Variants in FOCAD observed in about 807,000 individuals in gnomAD.
FOCAD encodes the protein focadhesin.
In FOCAD, 198 loss-of-function variants were observed where a neutral mutation model predicts 225.6. The observed-to-expected ratio is 0.88, with a 90% CI of 0.78 to 0.99. FOCAD has a LOEUF of 0.99. FOCAD is among the 50% of genes least tolerant of loss of function. FOCAD has a pLI of 0.00. For missense variants in FOCAD, 2,713 were observed against 2,123.6 expected (o/e 1.28, Z -5.46); for synonymous variants, 897 against 755.0 (o/e 1.19, Z -3.08).
intron 1 of FOCAD, among the ~76,000 whole-genome samples, chr9:20,699,832 C>G (rs1823791316): frequency 9.5e-6 from 1 of 105,444 alleles, no homozygotes; most frequent in Non-Finnish European, 1.8e-5. Context: ...CTACATATTA[C>G]ATCTTAACCC....
intron 15 of FOCAD, among the ~76,000 whole-genome samples, chr9:20,860,750 A>G (rs748425410): frequency 6.6e-6 from 1 of 152,204 alleles, no homozygotes; most frequent in Non-Finnish European, 1.5e-5. Context: ...ACCTTAAGTG[A>G]TCCACCCACC....
intron 1 of FOCAD, among the ~76,000 whole-genome samples, chr9:20,703,831 A>G (rs1824168823): frequency 6.6e-6 from 1 of 152,164 alleles, no homozygotes; most frequent in Admixed American, 6.6e-5. Context: ...CGTACTTTAT[A>G]TTGTTATGCA....
chr9:20,695,042 C>G (rs1318123791), intron 1 of FOCAD, among the ~76,000 whole-genome samples: 1 of 152,152 alleles, frequency 6.6e-6, no homozygotes, highest in African/African-American at 2.4e-5. Flanking sequence ...TTGGAGAAAC[C>G]GAGTACTTTG....
At chr9:20,958,333 C>A (rs1251074271) in intron 35 of FOCAD, among the ~76,000 whole-genome samples, 1 of 151,320 alleles carries the variant, frequency 6.6e-6, no homozygotes, top group Non-Finnish European at 1.5e-5. Context: ...GCCAGAAGGT[C>A]TGAACATCTG....
chr9:20,978,314 A>G (rs370439672), intron 36 of FOCAD, 25 bp from the exon 37 acceptor site: 1 of 1,509,894 alleles, frequency 6.6e-7, no homozygotes, highest in African/African-American at 1.4e-5. Flanking sequence ...TATATATTCA[A>G]TTCTTTTCCT....
In FOCAD at chr9:20,820,384, G is replaced by A; in HGVS notation, c.1621G>A (p.Ala541Thr). 6.2e-7 allele frequency: 1 copy of A among 1,612,922 alleles called. No individual in the cohort carries two copies. The highest frequency in any genetic ancestry group is 8.5e-7 in the Non-Finnish European group (1 of 1,179,332). Residue 541 changes from alanine (A) to threonine (T), a missense_variant, in exon 13 of 44, where the codon GCT (alanine) becomes ACT (threonine). Physicochemically the swap from Ala to Thr is moderately conservative, Grantham distance 58. Transcript: ENST00000338382. The stretch of plus-strand genomic sequence containing the variant: ...ACTTGGAACCACACCACGACTAAGA[G>A]CTGTCACTTTGCGCTTGCTGACATC... Reference protein sequence around the residue: ...QLLGTTPRLRAVTLRLLTSLW... With the variant: ...QLLGTTPRLRTVTLRLLTSLW...
chr9:20,982,104 A>G (rs1352220448), intron 38 of FOCAD, among the ~76,000 whole-genome samples: 2 of 152,186 alleles, frequency 1.3e-5, no homozygotes, highest in Non-Finnish European at 2.9e-5. Flanking sequence ...AAGAGGTTAG[A>G]AATTTATTTG....
intron 38 of FOCAD, 121 bp downstream of exon 38, chr9:20,981,807 C>T (rs1840726278): frequency 1.8e-6 from 2 of 1,104,760 alleles, no homozygotes; most frequent in East Asian, 4.8e-5. Context: ...CAAGAAATAA[C>T]CACATTCTTT....
intron 28 of FOCAD, among the ~76,000 whole-genome samples, chr9:20,941,395 G>A (rs908704375): frequency 1.3e-5 from 2 of 152,238 alleles, no homozygotes; most frequent in South Asian, 2.1e-4. Context: ...TTTGTATAGC[G>A]CTTTGTAAAG....
At chr9:20,748,591 C>A (rs1186489544) in intron 5 of FOCAD, among the ~76,000 whole-genome samples, 2 of 152,020 alleles carry the variant, frequency 1.3e-5, no homozygotes, top group African/African-American at 4.8e-5. Flanking sequence ...CAGATTCACT[C>A]CTGAAAAAGC....
intron 28 of FOCAD, among the ~76,000 whole-genome samples, chr9:20,937,013 A>G (rs971845226): frequency 2.7e-5 from 4 of 150,304 alleles, no homozygotes; most frequent in South Asian, 2.1e-4. Flanking sequence ...TAGGAATCCA[A>G]CTTACAAGGG....
intron 2 of FOCAD, among the ~76,000 whole-genome samples, chr9:20,667,657 G>C (rs1821934879): frequency 6.6e-6 from 1 of 152,168 alleles, no homozygotes; most frequent in Non-Finnish European, 1.5e-5. Context: ...TATCTTTTAG[G>C]TGCTTTACAG....
chr9:20,869,461 A>G (rs758755505), intron 18 of FOCAD, among the ~76,000 whole-genome samples: 14 of 152,196 alleles, frequency 9.2e-5, no homozygotes, highest in African/African-American at 1.7e-4. Context: ...TGATTGCTGA[A>G]CATCAATTTA....
At chr9:20,688,171 G>T (rs1348367214) in intron 1 of FOCAD, among the ~76,000 whole-genome samples, 1 of 152,202 alleles carries the variant, frequency 6.6e-6, no homozygotes, top group African/African-American at 2.4e-5. Context: ...ATGAGTAATA[G>T]ATTTTAAGTG....
intron 15 of FOCAD, among the ~76,000 whole-genome samples, chr9:20,861,159 A>G (rs1208892913): frequency 1.3e-5 from 2 of 152,192 alleles, no homozygotes; most frequent in African/African-American, 4.8e-5. Context: ...TTCTGTTGAA[A>G]TAGTTTAAAG....
At chr9:20,903,898 A>G (rs1016836435) in intron 21 of FOCAD, among the ~76,000 whole-genome samples, 3 of 151,774 alleles carry the variant, frequency 2.0e-5, no homozygotes, top group African/African-American at 7.3e-5. Flanking sequence ...GCCACTTTCT[A>G]TTCCCTCCTC....
In FOCAD at chr9:20,965,216, T is replaced by C. The variant is rs78947692; in HGVS notation, c.4133-11204T>C. 2.3e-3 allele frequency among the ~76,000 whole-genome samples: 347 copies of C among 152,266 alleles called. 1 individual carries two copies. The highest frequency in any genetic ancestry group is 0.017 in the Middle Eastern group (5 of 294). ...GCTTTTAGATGGCCATTAGAAATCT[T>C]AGCCAGGGTAGTTTTGGTGGAGTGG... On this transcript the variant is annotated intron_variant, in intron 35 of 43. Transcript: ENST00000338382.
In FOCAD at chr9:20,820,337, A is replaced by G. The variant is rs1199294101; in HGVS notation, c.1574A>G (p.Gln525Arg). 6.2e-7 allele frequency: 1 copy of G among 1,612,120 alleles called. No individual in the cohort carries two copies. The highest frequency in any genetic ancestry group is 1.3e-5 in the African/African-American group (1 of 74,814). The change falls in exon 13 of 44, where the codon CAA becomes CGA. Residue 525 changes from glutamine (Q) to arginine (R), a missense_variant. Coordinates refer to ENST00000338382, the MANE Select transcript of FOCAD (RefSeq NM_001375567.1). ...AATATTTTCTAGGTGTGTATAGGAC[A>G]AATTCTACGAATAATACAACTACTT... ...KLGVHKVCIG[Q>R]ILRIIQLLGT...
chr9:20,815,908 T>C (rs6475477), intron 11 of FOCAD, among the ~76,000 whole-genome samples: 71,972 of 151,962 alleles, frequency 0.47, 17,234 homozygotes, highest in Middle Eastern at 0.53. Flanking sequence ...ATCTTTTATG[T>C]AAAATTATTT....
Sources: gnomAD v4.1 joint callset for allele counts (sites outside exome capture counted in the v4.1 genomes callset) on GRCh38, gnomAD v4.1.1 for gene constraint, MANE v1.5 for transcripts, NCBI Gene and HGNC (gene_info 2026-07-23, HGNC 2026-07-21) for gene names.